Variants in COL5A1 observed in about 807,000 individuals in gnomAD.
COL5A1 encodes the protein collagen alpha-1(V) chain.
Under a neutral mutation model 263.7 loss-of-function variants are expected in COL5A1, and 16 were observed. The ratio of observed to expected loss-of-function variants is 0.06; its 90% CI spans 0.04 to 0.09. COL5A1 has a LOEUF of 0.09. COL5A1 is among the 10% of genes least tolerant of loss of function. The pLI, the probability that COL5A1 is intolerant of heterozygous loss-of-function variation, is 1.00. For missense variants in COL5A1, 2,036 were observed against 2,540.5 expected, an observed-to-expected ratio of 0.80 and a Z score of 4.27; for synonymous variants, 1,012 against 1,004.5, an observed-to-expected ratio of 1.01 and a Z score of -0.14.
At chr9:134,791,424 C>T (rs558495806) in intron 32 of COL5A1, among the ~76,000 whole-genome samples, 3 of 152,280 alleles carry the variant, frequency 2.0e-5, no homozygotes, top group Admixed American at 6.5e-5. Flanking sequence ...AGCCTTTGCC[C>T]GCATGAGCCT....
intron 25 of COL5A1, among the ~76,000 whole-genome samples, chr9:134,770,750 A>G (rs1219079219): frequency 1.3e-5 from 2 of 152,264 alleles, no homozygotes; most frequent in Admixed American, 6.5e-5. Context: ...TTTTCCCATT[A>G]CAGAAGCACT....
chr9:134,804,705 A>G (rs1473172164), intron 39 of COL5A1, among the ~76,000 whole-genome samples: 2 of 152,192 alleles, frequency 1.3e-5, no homozygotes, highest in Non-Finnish European at 2.9e-5. Context: ...ACGACTCTGA[A>G]AAGTGGCCAG....
intron 64 of COL5A1, among the ~76,000 whole-genome samples, chr9:134,832,513 G>A (rs1404170228): frequency 6.6e-6 from 1 of 152,234 alleles, no homozygotes; most frequent in African/African-American, 2.4e-5. Context: ...CACCAGGAGA[G>A]CAGGGCCTCA....
chr9:134,797,864 C>G (rs1264853840), intron 36 of COL5A1, among the ~76,000 whole-genome samples: 1 of 152,214 alleles, frequency 6.6e-6, no homozygotes, highest in African/African-American at 2.4e-5. Flanking sequence ...CATCCTAATT[C>G]AGTTACACTG....
At chr9:134,807,735 A>G (rs1241863785) in intron 42 of COL5A1, among the ~76,000 whole-genome samples, 1 of 152,198 alleles carries the variant, frequency 6.6e-6, no homozygotes, top group Non-Finnish European at 1.5e-5. Flanking sequence ...CATTATTGGC[A>G]ATTTTGGTGT....
chr9:134,811,475 CG>C lies in COL5A1; in HGVS notation c.3583-15del. 1 of 1,613,722 alleles carries C rather than the reference CG, an allele frequency of 6.2e-7. No homozygotes were observed. Among genetic ancestry groups the C allele is most frequent in the Admixed American group, 1.7e-5 (1 of 59,996 alleles). On this transcript the variant is annotated splice_polypyrimidine_tract_variant and intron_variant, in intron 45 of 65. Coordinates refer to ENST00000371817, the MANE Select transcript of COL5A1 (RefSeq NM_000093.5). Reference sequence around the variant, plus strand: ...CATTGCCAGCATCCTCACCCATGGCCGGTTATTTCCCTGCAGGGAGCTGACG... The same window carrying C: ...CATTGCCAGCATCCTCACCCATGGCCGTTATTTCCCTGCAGGGAGCTGACG...
At chr9:134,650,800 T>G (rs999090477) in intron 1 of COL5A1, among the ~76,000 whole-genome samples, 1 of 152,400 alleles carries the variant, frequency 6.6e-6, no homozygotes, top group Non-Finnish European at 1.5e-5. Flanking sequence ...CACTGGACCC[T>G]GCTCTGAGGG....
rs1484098681 is a variant in COL5A1, at chr9:134,841,001, G to A, written c.5371-1156G>A. 1.3e-5 allele frequency among the ~76,000 whole-genome samples: 2 copies of A among 152,244 alleles called. No individual in the cohort carries two copies. Among genetic ancestry groups the A allele is most frequent in the African/African-American group, 4.8e-5 (2 of 41,470 alleles). On this transcript the variant is annotated intron_variant, in intron 65 of 65. Transcript: ENST00000371817. The surrounding 1 kb of genome is among the most constrained non-coding windows in gnomAD (Gnocchi z 4.8). ...GAATACCGGGAGAGCTGGAGCTGCTGTCTGCTATCCGAATCTCCGGCCTGG... is the reference window on the plus strand; with the variant it reads ...GAATACCGGGAGAGCTGGAGCTGCTATCTGCTATCCGAATCTCCGGCCTGG...
intron 18 of COL5A1, among the ~76,000 whole-genome samples, chr9:134,760,554 GCA>G (rs1163930445): frequency 4.9e-5 from 2 of 40,716 alleles, no homozygotes; most frequent in Admixed American, 3.7e-4. Flanking sequence ...ACACACACAC[GCA>G]CATACACACC....
chr9:134,689,083 GAC>G (rs1403901145), intron 1 of COL5A1, among the ~76,000 whole-genome samples: 2 of 152,208 alleles, frequency 1.3e-5, no homozygotes, highest in African/African-American at 2.4e-5. Context: ...GTGCTGGGGA[GAC>G]AGAGTCCTCC....
At chr9:134,806,526 G>A (rs1450816915) in intron 42 of COL5A1, among the ~76,000 whole-genome samples, 2 of 152,182 alleles carry the variant, frequency 1.3e-5, no homozygotes, top group Non-Finnish European at 2.9e-5. Flanking sequence ...TCCGCCATCA[G>A]CTGAGCCAGA....
At chr9:134,828,876 CACACAGACCACACATTAT>C (rs1233296738) in intron 63 of COL5A1, among the ~76,000 whole-genome samples, 2 of 151,520 alleles carry the variant, frequency 1.3e-5, no homozygotes, top group Non-Finnish European at 2.9e-5. Context: ...CCACACATCA[CACACAGACCACACATTAT>C]ACCACACACA....
At chr9:134,695,502 A>G (rs1262866525) in intron 2 of COL5A1, among the ~76,000 whole-genome samples, 2 of 152,168 alleles carry the variant, frequency 1.3e-5, no homozygotes, top group Admixed American at 6.5e-5. Flanking sequence ...GGGCAGGCTG[A>G]CGTGAGGGGA....
intron 22 of COL5A1, 54 bp downstream of exon 22, chr9:134,766,552 C>G: frequency 3.8e-6 from 6 of 1,568,084 alleles, no homozygotes; most frequent in South Asian, 1.1e-5. Flanking sequence ...CCTGGGCACA[C>G]TCCTTGCCTG....
chr9:134,718,272 C>T (rs541306918), intron 4 of COL5A1, among the ~76,000 whole-genome samples: 1 of 152,374 alleles, frequency 6.6e-6, no homozygotes, highest in Non-Finnish European at 1.5e-5. Context: ...CCAACTGTGC[C>T]GTGGGCAGGG....
At chr9:134,812,045 C>T (rs1285779758) in intron 46 of COL5A1, among the ~76,000 whole-genome samples, 1 of 152,208 alleles carries the variant, frequency 6.6e-6, no homozygotes, top group African/African-American at 2.4e-5. Flanking sequence ...ATTTTCCATC[C>T]TCCATTCCCG....
chr9:134,703,361 G>A (rs1314469033), intron 4 of COL5A1, among the ~76,000 whole-genome samples: 2 of 152,232 alleles, frequency 1.3e-5, no homozygotes, highest in Non-Finnish European at 2.9e-5. Flanking sequence ...CTGGGGAGCT[G>A]GGGTTAAAAG....
intron 4 of COL5A1, among the ~76,000 whole-genome samples, chr9:134,714,923 T>C (rs1432475437): frequency 6.6e-6 from 1 of 151,622 alleles, no homozygotes. Flanking sequence ...GTGGTGGTGA[T>C]GGTGATTCTT....
Position 134,834,962 on chromosome 9 carries a change from T to A in COL5A1, c.5137-9T>A, listed in dbSNP as rs545998985. The A allele has an allele frequency of 6.2e-7, 1 of 1,604,666 alleles. No homozygotes were observed. The highest frequency in any genetic ancestry group is 1.3e-5 in the African/African-American group (1 of 74,746). On this transcript the variant is annotated splice_polypyrimidine_tract_variant and intron_variant, in intron 64 of 65. Coordinates refer to ENST00000371817, the MANE Select transcript of COL5A1 (RefSeq NM_000093.5). Reference sequence around the variant, plus strand: ...ACCCTGCTGAGCCCCAACACCCCTGTCCCCCCAGCTCTCCTATGTGGACGC... The same window carrying A: ...ACCCTGCTGAGCCCCAACACCCCTGACCCCCCAGCTCTCCTATGTGGACGC...
Sources: allele counts gnomAD v4.1 joint callset (sites outside exome capture counted in the v4.1 genomes callset), GRCh38; gene constraint gnomAD v4.1.1; non-coding constraint Gnocchi (gnomAD v3.1); transcripts MANE v1.5; gene names NCBI Gene and HGNC (gene_info 2026-07-23, HGNC 2026-07-21).